The following SLC4A4 variants were observed in gnomAD, a reference collection of about 807,000 sequenced individuals.
The protein encoded by SLC4A4 is solute carrier family 4 member 4, also known as electrogenic sodium bicarbonate cotransporter 1.
In SLC4A4, 27 loss-of-function variants were observed where a neutral mutation model predicts 111.5. The ratio of observed to expected loss-of-function variants is 0.24; its 90% CI spans 0.18 to 0.33. The LOEUF (loss-of-function observed/expected upper bound fraction) is 0.33. SLC4A4 is among the 10% of genes least tolerant of loss of function. The pLI, the probability that SLC4A4 is intolerant of heterozygous loss-of-function variation, is 1.00. For missense variants in SLC4A4, 909 were observed against 1,315.5 expected (o/e 0.69, Z 4.78); for synonymous variants, 443 against 463.4 (o/e 0.96, Z 0.57).
At chr4:71,246,942 A>G (rs1190818218) in intron 2 of SLC4A4, among the ~76,000 whole-genome samples, 2 of 152,130 alleles carry the variant, frequency 1.3e-5, no homozygotes, top group African/African-American at 4.8e-5. Context: ...TTTTTAGGCC[A>G]CTTTAAAAGT....
chr4:71,380,440 T>C (rs950816606), intron 6 of SLC4A4, among the ~76,000 whole-genome samples: 5 of 152,226 alleles, frequency 3.3e-5, no homozygotes, highest in African/African-American at 1.2e-4. Context: ...ATGAGGACCC[T>C]ACGTCTTCAA....
At chr4:71,487,553 G>A (rs1729529482) in intron 15 of SLC4A4, among the ~76,000 whole-genome samples, 1 of 151,532 alleles carries the variant, frequency 6.6e-6, no homozygotes, top group Non-Finnish European at 1.5e-5. Context: ...TTAAAAATGA[G>A]CTGTTTTGCA....
At chr4:71,195,230 G>GTTTTTTTT (rs66527038) in intron 1 of SLC4A4, among the ~76,000 whole-genome samples, 1 of 93,198 alleles carries the variant, frequency 1.1e-5, no homozygotes, top group Non-Finnish European at 2.2e-5. Flanking sequence ...CTGTATTTGA[G>GTTTTTTTT]TTTTTTTTTT....
At chr4:71,546,895 GA>G (rs1282538831) in intron 19 of SLC4A4, among the ~76,000 whole-genome samples, 1 of 151,924 alleles carries the variant, frequency 6.6e-6, no homozygotes. Flanking sequence ...TCTGTAATGG[GA>G]AAGGTATTCT....
chr4:71,570,683 G>A lies in SLC4A4; in HGVS notation c.*2932G>A, dbSNP rs528315535. The A allele has an allele frequency of 6.6e-6, 1 of 152,312 alleles. No homozygotes were observed. Among genetic ancestry groups the A allele is most frequent in the African/African-American group, 2.4e-5 (1 of 41,510 alleles). 9.4% of individuals were successfully genotyped at this position (152,312 alleles called of 1,614,324 possible). On this transcript the variant is annotated 3_prime_UTR_variant, in exon 26 of 26. Transcript: ENST00000264485. ...TTGTTAACCAGAAAGTCCTGGCTGT[G>A]GTTGCAGAAACACTGTTGGAAGAAA...
chr4:71,291,551 C>G (rs946538350), intron 3 of SLC4A4, among the ~76,000 whole-genome samples: 3 of 151,962 alleles, frequency 2.0e-5, no homozygotes, highest in Non-Finnish European at 2.9e-5. Flanking sequence ...GCAATCCTCT[C>G]GTCTCAGCCT....
chr4:71,417,040 G>T (rs1721889943), intron 7 of SLC4A4, among the ~76,000 whole-genome samples: 1 of 152,170 alleles, frequency 6.6e-6, no homozygotes, highest in Non-Finnish European at 1.5e-5. Context: ...AGCACCGTTA[G>T]TGGAGCTATC....
intron 3 of SLC4A4, among the ~76,000 whole-genome samples, chr4:71,283,072 A>AT (rs1723650328): frequency 6.6e-6 from 1 of 152,218 alleles, no homozygotes; most frequent in Non-Finnish European, 1.5e-5. Context: ...GTGTTCTGTC[A>AT]TGCATTTCCA....
chr4:71,356,731 T>A (rs1326567481), intron 5 of SLC4A4, among the ~76,000 whole-genome samples: 1 of 152,216 alleles, frequency 6.6e-6, no homozygotes, highest in Non-Finnish European at 1.5e-5. Context: ...TATAAATTAC[T>A]GACTTATTGT....
At chr4:71,232,532 C>T (rs1461997922) in intron 1 of SLC4A4, among the ~76,000 whole-genome samples, 1 of 152,172 alleles carries the variant, frequency 6.6e-6, no homozygotes, top group Non-Finnish European at 1.5e-5. Flanking sequence ...CTATCTCAGC[C>T]TCCCACGTAG....
intron 8 of SLC4A4, 23 bp downstream of exon 8, chr4:71,440,796 G>A (rs1281676465): frequency 6.2e-7 from 1 of 1,613,358 alleles, no homozygotes. Context: ...CCTACCTGGG[G>A]TCTACAATGT....
At chr4:71,402,935 A>G (rs1720500944) in intron 7 of SLC4A4, among the ~76,000 whole-genome samples, 1 of 152,194 alleles carries the variant, frequency 6.6e-6, no homozygotes, top group Non-Finnish European at 1.5e-5. Flanking sequence ...CTTCTCCCAT[A>G]TTCTTAAAGC....
intron 2 of SLC4A4, among the ~76,000 whole-genome samples, chr4:71,160,232 C>T (rs1744583046): frequency 6.6e-6 from 1 of 152,134 alleles, no homozygotes; most frequent in Admixed American, 6.6e-5. Context: ...TTACTCATGA[C>T]CCAATACTCT....
chr4:71,479,351 T>G (rs1282053155), intron 14 of SLC4A4, among the ~76,000 whole-genome samples: 2 of 151,738 alleles, frequency 1.3e-5, no homozygotes, highest in East Asian at 2.0e-4. Flanking sequence ...ATAAGGAGGC[T>G]TCTAGATGCT....
At chr4:71,387,139 A>G (rs1718810186) in intron 6 of SLC4A4, among the ~76,000 whole-genome samples, 1 of 152,130 alleles carries the variant, frequency 6.6e-6, no homozygotes, top group Non-Finnish European at 1.5e-5. Flanking sequence ...TCCTGCCTCC[A>G]TTGTACTTGG....
At chr4:71,081,522 A>T (rs1250849054) in intron 1 of SLC4A4, among the ~76,000 whole-genome samples, 4 of 152,146 alleles carry the variant, frequency 2.6e-5, no homozygotes, top group Non-Finnish European at 4.4e-5. Flanking sequence ...TCAGCCAGTG[A>T]TGCTTTTGCA....
rs78072670 is a variant in SLC4A4 at position 71,474,035 on chromosome 4, T to C, written c.1903+1065T>C. 4.2e-3 allele frequency among the ~76,000 whole-genome samples: 620 copies of C among 148,926 alleles called. 3 individuals carry two copies. Among genetic ancestry groups the C allele is most frequent in the African/African-American group, 0.015 (600 of 40,194 alleles). On this transcript the variant is annotated intron_variant, in intron 14 of 25. Transcript: ENST00000264485. ...GGGCAACATTATGAAACCCTGTGTC[T>C]ACAAAAAATAGAAAAACCAGCCGGG...
At chr4:71,477,642 C>T (rs898089995) in intron 14 of SLC4A4, among the ~76,000 whole-genome samples, 6 of 151,756 alleles carry the variant, frequency 4.0e-5, no homozygotes, top group Middle Eastern at 3.4e-3. Context: ...AGTCTAGGGG[C>T]GAGGTGTTCA....
chr4:71,304,022 G>T (rs1483939982), intron 3 of SLC4A4, among the ~76,000 whole-genome samples: 1 of 152,132 alleles, frequency 6.6e-6, no homozygotes, highest in Non-Finnish European at 1.5e-5. Context: ...TTCCATCGAT[G>T]AAGAAACTTT....
Sources: allele counts gnomAD v4.1 joint callset (sites outside exome capture counted in the v4.1 genomes callset), GRCh38; gene constraint gnomAD v4.1.1; transcripts MANE v1.5; gene names NCBI Gene and HGNC (gene_info 2026-07-23, HGNC 2026-07-21).